Variants in CEP112 observed in about 807,000 individuals in gnomAD.
CEP112 encodes centrosomal protein 112, also known as centrosomal protein of 112 kDa.
CEP112 carries 127 observed loss-of-function variants against 153.0 expected under a neutral mutation model. The observed-to-expected ratio is 0.83, with a 90% CI of 0.72 to 0.96. The LOEUF is 0.96. CEP112 is among the 40% of genes least tolerant of loss of function. The pLI is 0.00. For missense variants in CEP112, 1,089 were observed against 1,101.2 expected, an observed-to-expected ratio of 0.99 and a Z score of 0.16; for synonymous variants, 358 against 374.4, an observed-to-expected ratio of 0.96 and a Z score of 0.51.
At chr17:65,921,158 T>C (rs1355036129) in intron 19 of CEP112, among the ~76,000 whole-genome samples, 1 of 152,154 alleles carries the variant, frequency 6.6e-6, no homozygotes, top group African/African-American at 2.4e-5. Flanking sequence ...CAAACCATAT[T>C]TCCCCATACT....
chr17:65,971,373 T>C (rs937268975), intron 17 of CEP112, among the ~76,000 whole-genome samples: 1 of 152,236 alleles, frequency 6.6e-6, no homozygotes, highest in Non-Finnish European at 1.5e-5. Flanking sequence ...ATATCGCATG[T>C]ATGTACATTG....
chr17:66,112,198 G>A (rs1210256326), intron 6 of CEP112, among the ~76,000 whole-genome samples: 1 of 152,040 alleles, frequency 6.6e-6, no homozygotes, highest in Non-Finnish European at 1.5e-5. Context: ...GGCTGAGGCA[G>A]GAGAATCACT....
intron 23 of CEP112, among the ~76,000 whole-genome samples, chr17:65,712,246 A>C (rs1333191743): frequency 6.6e-6 from 1 of 152,208 alleles, no homozygotes; most frequent in Non-Finnish European, 1.5e-5. Context: ...AGTAAGGAAA[A>C]TCAGAGTATG....
chr17:66,012,587 T>G (rs902766600), intron 16 of CEP112, among the ~76,000 whole-genome samples: 9 of 152,246 alleles, frequency 5.9e-5, no homozygotes, highest in Non-Finnish European at 1.3e-4. Context: ...CGGTTTCTTC[T>G]GAGAGGTCTG....
chr17:65,755,159 A>G (rs1892368749), intron 21 of CEP112, among the ~76,000 whole-genome samples: 1 of 152,258 alleles, frequency 6.6e-6, no homozygotes, highest in Non-Finnish European at 1.5e-5. Flanking sequence ...TAATTTATAA[A>G]CAAAAGAGGC....
intron 20 of CEP112, among the ~76,000 whole-genome samples, chr17:65,877,526 C>G (rs2058878583): frequency 1.3e-5 from 2 of 152,206 alleles, no homozygotes; most frequent in South Asian, 4.1e-4. Context: ...TCACTCTCCT[C>G]ATTCCCTCAC....
chr17:65,878,344 C>T (rs1405975644), intron 20 of CEP112, among the ~76,000 whole-genome samples: 2 of 152,044 alleles, frequency 1.3e-5, no homozygotes, highest in Non-Finnish European at 2.9e-5. Flanking sequence ...AGCTATTTGT[C>T]AATTATACCC....
At chr17:65,751,589 A>C (rs1263436140) in intron 21 of CEP112, among the ~76,000 whole-genome samples, 1 of 151,842 alleles carries the variant, frequency 6.6e-6, no homozygotes, top group Non-Finnish European at 1.5e-5. Context: ...TCTCTCCCTG[A>C]GTATGTCTCT....
chr17:65,959,493 G>A (rs1418258264), intron 18 of CEP112, among the ~76,000 whole-genome samples: 1 of 152,244 alleles, frequency 6.6e-6, no homozygotes, highest in African/African-American at 2.4e-5. Flanking sequence ...AAACAGGGCT[G>A]AAACATGCTC....
chr17:65,937,346 G>A (rs201003129), intron 18 of CEP112, among the ~76,000 whole-genome samples: 3 of 88,556 alleles, frequency 3.4e-5, no homozygotes, highest in East Asian at 8.4e-4. Flanking sequence ...GCCTCTTCCC[G>A]GCCGCCATCC....
intron 8 of CEP112, among the ~76,000 whole-genome samples, chr17:66,074,740 G>A (rs942657570): frequency 2.6e-5 from 4 of 151,898 alleles, no homozygotes; most frequent in African/African-American, 9.7e-5. Context: ...GCACGTGCCT[G>A]TAGTCTCAGG....
chr17:66,058,031 T>C (rs2066767369), intron 11 of CEP112, among the ~76,000 whole-genome samples: 1 of 151,656 alleles, frequency 6.6e-6, no homozygotes, highest in Non-Finnish European at 1.5e-5. Flanking sequence ...AGGCAAAGGT[T>C]GCAGTGAGCT....
intron 18 of CEP112, among the ~76,000 whole-genome samples, chr17:65,930,653 CT>C (rs1568245912): frequency 1.3e-5 from 2 of 152,310 alleles, no homozygotes; most frequent in East Asian, 3.9e-4. Flanking sequence ...GTCAAGCACA[CT>C]TTGGTTTTTT....
At chr17:65,751,560 G>A (rs7224441) in intron 21 of CEP112, among the ~76,000 whole-genome samples, 17,048 of 151,922 alleles carry the variant, frequency 0.11, 1,663 homozygotes, top group African/African-American at 0.26. Context: ...GATTTCTCTC[G>A]TCTCTCTGTA....
chr17:65,808,573 G>T (rs1385667600), intron 21 of CEP112, among the ~76,000 whole-genome samples: 1 of 152,022 alleles, frequency 6.6e-6, no homozygotes. Flanking sequence ...TCATGGGGGT[G>T]GACTTCCCCC....
At chr17:66,014,373 G>A (rs1419121583) in intron 16 of CEP112, among the ~76,000 whole-genome samples, 2 of 152,212 alleles carry the variant, frequency 1.3e-5, no homozygotes, top group African/African-American at 4.8e-5. Context: ...ATGGTCCCAG[G>A]AGAGGCCAGC....
At chr17:66,050,749 C>G (rs1188185335) in intron 12 of CEP112, among the ~76,000 whole-genome samples, 1 of 152,078 alleles carries the variant, frequency 6.6e-6, no homozygotes, top group African/African-American at 2.4e-5. Flanking sequence ...GCCTCTGGAG[C>G]TCCCATGGTG....
At chr17:66,169,315 A>T (rs1214324433) in intron 4 of CEP112, among the ~76,000 whole-genome samples, 2 of 128,812 alleles carry the variant, frequency 1.6e-5, no homozygotes, top group Admixed American at 9.3e-5. Flanking sequence ...ACAGAGTCTC[A>T]CTCTGTCACC....
intron 21 of CEP112, among the ~76,000 whole-genome samples, chr17:65,824,353 A>T (rs2056736124): frequency 6.6e-6 from 1 of 152,230 alleles, no homozygotes; most frequent in African/African-American, 2.4e-5. Context: ...AGAAAAGGAG[A>T]ACCTATGGTC....
Sources: allele counts gnomAD v4.1 joint callset (sites outside exome capture counted in the v4.1 genomes callset), GRCh38; gene constraint gnomAD v4.1.1; transcripts MANE v1.5; gene names NCBI Gene and HGNC (gene_info 2026-07-23, HGNC 2026-07-21).